WWOX: variants seen among roughly 807,000 people sequenced by gnomAD.
WWOX encodes the protein WW domain-containing oxidoreductase.
WWOX carries 69 observed loss-of-function variants against 46.2 expected under a neutral mutation model. The ratio of observed to expected loss-of-function variants is 1.49; its 90% CI spans 1.23 to 1.82. The LOEUF is 1.82. WWOX is among the 40% of genes most tolerant of loss of function. The pLI is 0.00. For synonymous variants in WWOX, 359 were observed against 202.6 expected, an observed-to-expected ratio of 1.77 and a Z score of -6.56; for missense variants, 919 against 542.6, an observed-to-expected ratio of 1.69 and a Z score of -6.89.
chr16:79,207,652 G>T (rs1488604493), intron 8 of WWOX, among the ~76,000 whole-genome samples: 1 of 152,154 alleles, frequency 6.6e-6, no homozygotes, highest in African/African-American at 2.4e-5. Flanking sequence ...TTTAAGACAG[G>T]AATCTCCTCT....
chr16:78,672,387 A>G (rs1011367441), intron 8 of WWOX, among the ~76,000 whole-genome samples: 5 of 152,202 alleles, frequency 3.3e-5, no homozygotes, highest in African/African-American at 1.2e-4. Context: ...AAATACATAC[A>G]TTGAAGACAC....
At position 78,619,973 on chromosome 16, in the gene WWOX, T is replaced by C. The variant is rs139113004; in HGVS notation, c.1056+187221T>C. Among the ~76,000 whole-genome samples, 43 of 152,256 alleles carry C rather than the reference T, an allele frequency of 2.8e-4. 1 individual carries two copies. In the East Asian group the frequency reaches 6.4e-3, roughly 23 times the overall value. Reference sequence around the variant, plus strand: ...GGCCTTATCTTTATCTGAGTTCCTGTAGCATGTGCACTACTCCTGATTAAC... The same window carrying C: ...GGCCTTATCTTTATCTGAGTTCCTGCAGCATGTGCACTACTCCTGATTAAC... On this transcript the variant is annotated intron_variant, in intron 8 of 8. Coordinates refer to ENST00000566780, the MANE Select transcript of WWOX (RefSeq NM_016373.4).
intron 5 of WWOX, among the ~76,000 whole-genome samples, chr16:78,302,141 A>G (rs1022451930): frequency 1.5e-4 from 23 of 151,774 alleles, no homozygotes; most frequent in African/African-American, 5.1e-4. Context: ...TTGTATTTTT[A>G]GTAGAGAAGG....
At chr16:78,528,583 G>T (rs777959781) in intron 8 of WWOX, among the ~76,000 whole-genome samples, 1 of 152,176 alleles carries the variant, frequency 6.6e-6, no homozygotes, top group Non-Finnish European at 1.5e-5. Flanking sequence ...GGGGTACTAA[G>T]TCATCGTTAT....
chr16:78,567,506 T>C (rs2044599806), intron 8 of WWOX, among the ~76,000 whole-genome samples: 1 of 141,728 alleles, frequency 7.1e-6, no homozygotes, highest in African/African-American at 2.7e-5. Flanking sequence ...TGAGCAGAGA[T>C]TGCAGCACTG....
At chr16:78,320,828 C>G (rs1021747300) in intron 5 of WWOX, among the ~76,000 whole-genome samples, 1 of 152,160 alleles carries the variant, frequency 6.6e-6, no homozygotes, top group Admixed American at 6.6e-5. Context: ...CTCATCTGTA[C>G]TAACACAGGA....
intron 8 of WWOX, among the ~76,000 whole-genome samples, chr16:79,057,486 A>G (rs1354791219): frequency 6.6e-6 from 1 of 152,184 alleles, no homozygotes; most frequent in African/African-American, 2.4e-5. Context: ...TGTAAAGACC[A>G]TTATTATTTC....
At chr16:78,149,142 C>T (rs556541878) in intron 4 of WWOX, among the ~76,000 whole-genome samples, 2 of 151,982 alleles carry the variant, frequency 1.3e-5, no homozygotes, top group Non-Finnish European at 2.9e-5. Flanking sequence ...TACTTTGAGC[C>T]ACTGTGCCTG....
intron 8 of WWOX, among the ~76,000 whole-genome samples, chr16:78,593,512 A>G (rs1219280358): frequency 1.3e-5 from 2 of 152,232 alleles, no homozygotes; most frequent in Non-Finnish European, 2.9e-5. Flanking sequence ...GACCCAGGTC[A>G]GACCAGTCAC....
intron 8 of WWOX, among the ~76,000 whole-genome samples, chr16:79,054,686 G>C (rs751036362): frequency 3.3e-5 from 5 of 152,048 alleles, no homozygotes; most frequent in African/African-American, 1.2e-4. Context: ...TTAGCCAGGC[G>C]TGGTGTCGTG....
intron 8 of WWOX, among the ~76,000 whole-genome samples, chr16:78,503,207 G>A (rs748264383): frequency 5.9e-5 from 9 of 152,138 alleles, no homozygotes; most frequent in African/African-American, 1.9e-4. Context: ...CTTATCAGAG[G>A]TGCATGCTGA....
rs936570159 is a variant in WWOX at position 78,343,347 on chromosome 16, A to G, written c.517-43513A>G. On this transcript the variant is annotated intron_variant, in intron 5 of 8. Transcript: ENST00000566780. Reference sequence around the variant, plus strand: ...TCGCCTACTTGCTTCTAGGCACATTAAACGGTCAGTGCACAGGTCCTCATT... The same window carrying G: ...TCGCCTACTTGCTTCTAGGCACATTGAACGGTCAGTGCACAGGTCCTCATT... 2.1e-4 allele frequency among the ~76,000 whole-genome samples: 26 copies of G among 121,022 alleles called. 9 individuals are homozygous for G. Among genetic ancestry groups the G allele is most frequent in the African/African-American group, 2.8e-4 (10 of 35,664 alleles). 79.4% of individuals were successfully genotyped at this position (121,022 alleles called of 152,430 possible).
At chr16:79,167,733 A>G (rs1272229272) in intron 8 of WWOX, among the ~76,000 whole-genome samples, 1 of 152,256 alleles carries the variant, frequency 6.6e-6, no homozygotes, top group Admixed American at 6.5e-5. Context: ...CCCTGCAAAC[A>G]TTGTTTTAGT....
chr16:78,300,223 A>G (rs146783345), intron 5 of WWOX, among the ~76,000 whole-genome samples: 14 of 152,342 alleles, frequency 9.2e-5, no homozygotes, highest in African/African-American at 3.4e-4. Flanking sequence ...TTCAAAACCT[A>G]GGAGCCTAGG....
At chr16:78,607,378 G>C (rs1187924479) in intron 8 of WWOX, among the ~76,000 whole-genome samples, 1 of 152,174 alleles carries the variant, frequency 6.6e-6, no homozygotes, top group African/African-American at 2.4e-5. Context: ...TGAGTCCAGA[G>C]ACGATGGAAG....
chr16:78,228,339 CTTTTTTT>C (rs34322106), intron 5 of WWOX, among the ~76,000 whole-genome samples: 7 of 111,320 alleles, frequency 6.3e-5, no homozygotes, highest in African/African-American at 2.3e-4. Context: ...CATATTCTCT[CTTTTTTT>C]TTTTTTTTTT....
chr16:79,205,588 T>C lies in WWOX; in HGVS notation c.1057-6020T>C, dbSNP rs558401290. 7 of 152,332 alleles carry C rather than the reference T, an allele frequency of 4.6e-5. No homozygotes were observed. In the East Asian group the frequency reaches 1.4e-3, roughly 29 times the overall value. The allele number at this position is 152,332 out of a possible 1,614,324, so 9.4% of individuals were successfully genotyped here. On this transcript the variant is annotated intron_variant, in intron 8 of 8. Coordinates refer to ENST00000566780, the MANE Select transcript of WWOX (RefSeq NM_016373.4). Reference sequence around the variant, plus strand: ...ATATTTGCTTTCCTGATCATCTTCATTGTTTCTTTTTGGGAAATTGAGTGC... The same window carrying C: ...ATATTTGCTTTCCTGATCATCTTCACTGTTTCTTTTTGGGAAATTGAGTGC...
chr16:78,639,797 C>G (rs1384043075), intron 8 of WWOX, among the ~76,000 whole-genome samples: 2 of 152,096 alleles, frequency 1.3e-5, no homozygotes, highest in African/African-American at 2.4e-5. Context: ...AACTCCTGAC[C>G]TCAGGTGATC....
chr16:79,187,767 C>G (rs1390916684), intron 8 of WWOX, among the ~76,000 whole-genome samples: 1 of 152,204 alleles, frequency 6.6e-6, no homozygotes, highest in Non-Finnish European at 1.5e-5. Context: ...GTCTCGAACT[C>G]CTGGGCTCAA....
Sources: allele counts gnomAD v4.1 joint callset (sites outside exome capture counted in the v4.1 genomes callset), GRCh38; gene constraint gnomAD v4.1.1; transcripts MANE v1.5; gene names NCBI Gene and HGNC (gene_info 2026-07-23, HGNC 2026-07-21).